FAT2: variants seen among roughly 807,000 people sequenced by gnomAD.
FAT2 encodes protocadherin Fat 2.
A neutral mutation model predicts 295.3 loss-of-function variants in FAT2; 150 were observed. That is an observed-to-expected ratio of 0.51 (90% CI 0.44 to 0.58). The LOEUF (loss-of-function observed/expected upper bound fraction) is 0.58. Among genes scored for constraint, FAT2 ranks in the 20% least tolerant of loss-of-function variants. FAT2 has a pLI of 0.00. For missense variants in FAT2, 4,868 were observed against 5,442.7 expected, an observed-to-expected ratio of 0.89 and a Z score of 3.32; for synonymous variants, 2,026 against 2,150.3, an observed-to-expected ratio of 0.94 and a Z score of 1.60.
At chr5:151,524,961 A>G (rs1383558656) in intron 18 of FAT2, among the ~76,000 whole-genome samples, 1 of 152,112 alleles carries the variant, frequency 6.6e-6, no homozygotes, top group Non-Finnish European at 1.5e-5. Flanking sequence ...TAAAGATGTT[A>G]TTTCTTTCTT....
At position 151,545,051 on chromosome 5, in the gene FAT2, C is replaced by T. The variant is rs367998314; in HGVS notation, c.6076G>A (p.Val2026Met). ...TCCTGCTGCTCCCGGTCAAACGCCA[C>T]ACCTCTTGTCTGCAACACACCTGCT... Reference protein sequence around the residue: ...QSAGVLQTRGVAFDREQQDTH... With the variant: ...QSAGVLQTRGMAFDREQQDTH... The change falls in exon 10 of 24, where the codon GTG becomes ATG. Residue 2026 changes from valine (V) to methionine (M), a missense_variant. Physicochemically the swap from Val to Met is conservative, Grantham distance 21. Coordinates refer to ENST00000261800, the MANE Select transcript of FAT2 (RefSeq NM_001447.3). 3 of 1,614,066 alleles carry T rather than the reference C, an allele frequency of 1.9e-6. No homozygotes were observed. Among genetic ancestry groups the T allele is most frequent in the African/African-American group, 1.3e-5 (1 of 74,934 alleles).
rs2127648181 is a variant in FAT2, at chr5:151,567,562, AG to A, written c.1369del (p.Leu457SerfsTer24). 1 of 1,614,088 alleles carries A rather than the reference AG, an allele frequency of 6.2e-7. No individual in the cohort carries two copies. The highest frequency in any genetic ancestry group is 8.5e-7 in the Non-Finnish European group (1 of 1,179,998). ...DIVDCNNHAPLFNRSSYDGTL... is the reference protein window; with the variant it reads ...DIVDCNNHAPXFNRSSYDGTL... ...ACCATCATAGGAAGACCTGTTGAAG[AG>A]GGGGGCATGGTTGTTGCAGTCCACA... is the stretch of plus-strand genomic sequence containing the variant. On this transcript the variant is annotated frameshift_variant, in exon 2 of 24. Transcript: ENST00000261800. LOFTEE classifies it high-confidence loss of function.
rs771264810 is a variant in FAT2, at chr5:151,545,566, C to A, written c.5561G>T (p.Arg1854Ile). 6.2e-7 allele frequency: 1 copy of A among 1,614,036 alleles called. No homozygotes were observed. The highest frequency in any genetic ancestry group is 1.7e-5 in the Admixed American group (1 of 60,016). Residue 1854 changes from arginine (R) to isoleucine (I), a missense_variant, in exon 10 of 24, where the codon AGA becomes ATA. By Grantham distance (97) the Arg-to-Ile change is moderately conservative. Around this residue, in one of 5 missense-constraint regions of FAT2, gnomAD observed 3,297 missense variants for 3,669.4 expected, o/e 0.90. Coordinates refer to ENST00000261800, the MANE Select transcript of FAT2 (RefSeq NM_001447.3). Reference sequence around the variant, plus strand: ...GACATGAATGATGACTTGGGCAGGTCTGGGTGCAAATAATACAGGGCTTCC... The same window carrying A: ...GACATGAATGATGACTTGGGCAGGTATGGGTGCAAATAATACAGGGCTTCC... ...DQGSPVLFAPRPAQVIIHVRD... is the reference protein window; with the variant it reads ...DQGSPVLFAPIPAQVIIHVRD...
At chr5:151,548,788 A>G (rs554512824) in intron 9 of FAT2, among the ~76,000 whole-genome samples, 2 of 152,204 alleles carry the variant, frequency 1.3e-5, no homozygotes, top group African/African-American at 4.8e-5. Flanking sequence ...GCCAACATAC[A>G]TTTTCTCTTT....
At chr5:151,557,297 A>G (rs1757785217) in intron 3 of FAT2, among the ~76,000 whole-genome samples, 1 of 152,160 alleles carries the variant, frequency 6.6e-6, no homozygotes, top group Admixed American at 6.5e-5. Flanking sequence ...CTAATTAGGA[A>G]TTAGAACCAT....
chr5:151,542,972 G>A lies in FAT2; in HGVS notation c.8155C>T (p.Gln2719Ter). Residue 2719 changes from glutamine (Q) to a stop codon, truncating the protein, a stop_gained, in exon 10 of 24, where the codon CAA becomes TAA. Transcript: ENST00000261800. LOFTEE classifies it high-confidence loss of function. ...EIGIVKAVAA[Q>*]DPVIYSLVRG... ...ACTAGACTGTAGATGACTGGATCTT[G>A]AGCTGCCACTGCTTTAACAATCCCA... The A allele has an allele frequency of 6.2e-7, 1 of 1,614,178 alleles. No individual in the cohort carries two copies. The highest frequency in any genetic ancestry group is 8.5e-7 in the Non-Finnish European group (1 of 1,180,030).
At chr5:151,575,455 T>C (rs1399057262) in intron 1 of FAT2, among the ~76,000 whole-genome samples, 1 of 152,214 alleles carries the variant, frequency 6.6e-6, no homozygotes, top group Non-Finnish European at 1.5e-5. Context: ...TGGGTAGTTA[T>C]TTAACCTTGC....
At position 151,549,287 on chromosome 5, in the gene FAT2, C is replaced by G. The variant is rs749954706; in HGVS notation, c.4789+8G>C. The G allele has an allele frequency of 4.3e-6, 7 of 1,611,960 alleles. No individual in the cohort carries two copies. The highest frequency in any genetic ancestry group is 5.9e-6 in the Non-Finnish European group (7 of 1,179,626). On this transcript the variant is annotated splice_region_variant and intron_variant, in intron 9 of 23. Coordinates refer to ENST00000261800, the MANE Select transcript of FAT2 (RefSeq NM_001447.3). Reference sequence around the variant, plus strand: ...CCCATCCTCTGAGCTCATGGCCAGGCCTCTCACCTTTCAGGAGGGAGTAGT... The same window carrying G: ...CCCATCCTCTGAGCTCATGGCCAGGGCTCTCACCTTTCAGGAGGGAGTAGT...
chr5:151,566,273 G>T lies in FAT2; in HGVS notation c.2659C>A (p.Pro887Thr). The T allele has an allele frequency of 6.2e-7, 1 of 1,614,130 alleles. No individual in the cohort carries two copies. Among genetic ancestry groups the T allele is most frequent in the Non-Finnish European group, 8.5e-7 (1 of 1,180,024 alleles). ...VTGHLDRESE[P>T]RYILKVEARD... Reference sequence around the variant, plus strand: ...GCCTCCACCTTGAGTATGTACCGAGGCTCTGATTCGCGGTCCAGGTGTCCT... The same window carrying T: ...GCCTCCACCTTGAGTATGTACCGAGTCTCTGATTCGCGGTCCAGGTGTCCT... The change falls in exon 2 of 24, where the codon CCT becomes ACT. Residue 887 changes from proline to threonine, a missense_variant. Physicochemically the swap from Pro to Thr is conservative, Grantham distance 38. Transcript: ENST00000261800.
rs1378232584 is a variant in FAT2, at chr5:151,542,637, G to A, written c.8490C>T (p.Gly2830=). 1.9e-6 allele frequency: 3 copies of A among 1,614,180 alleles called. No homozygotes were observed. The Admixed American group carries it at 5.0e-5, about 27-fold the overall frequency. The change falls in exon 10 of 24, where the codon GGC becomes GGT. Residue 2830 remains glycine, a synonymous_variant. Transcript: ENST00000261800. The part of the protein sequence containing the change: ...TAIDKDTGRD[G]QVSYRLSADP... ...CTGCAGACAGCCTGTAGCTCACCTG[G>A]CCATCTCTCCCAGTGTCCTTGTCAA...
chr5:151,525,473 G>A (rs1753887560), intron 18 of FAT2, among the ~76,000 whole-genome samples: 1 of 152,150 alleles, frequency 6.6e-6, no homozygotes, highest in Non-Finnish European at 1.5e-5. Flanking sequence ...TGGAGTCTGG[G>A]GTCAGAGTGC....
In FAT2 at chr5:151,510,132, C is replaced by T. The variant is rs766410745; in HGVS notation, c.11948G>A (p.Cys3983Tyr). The T allele has an allele frequency of 6.2e-7, 1 of 1,614,170 alleles. No individual in the cohort carries two copies. Among genetic ancestry groups the T allele is most frequent in the South Asian group, 1.1e-5 (1 of 91,082 alleles). ...AGTACAGTTCTCCCTTCCTTGTTCA[C>T]AGTGCTTCCCAGAGAACTGTGGGGG... ...KCPPQFSGKH[C>Y]EQGRENCTFA... The change falls in exon 22 of 24, where the codon TGT becomes TAT. Residue 3983 changes from cysteine to tyrosine, a missense_variant. By Grantham distance (194) the Cys-to-Tyr change is radical. Coordinates refer to ENST00000261800, the MANE Select transcript of FAT2 (RefSeq NM_001447.3).
rs756326546 is a variant in FAT2 at position 151,563,599 on chromosome 5, T to C, written c.3300A>G (p.Ala1100=). ...CTAATACCGTCAACCAGTAGTAAGATGCAAATTCTCGGTCCAGGGGTGCCA... is the reference window on the plus strand; with the variant it reads ...CTAATACCGTCAACCAGTAGTAAGACGCAAATTCTCGGTCCAGGGGTGCCA... ...QTLAPLDREF[A]SYYWLTVLAV... is the part of the protein sequence containing the mutation. Residue 1100 remains alanine (A), a synonymous_variant, in exon 3 of 24, where the codon GCA becomes GCG. Coordinates refer to ENST00000261800, the MANE Select transcript of FAT2 (RefSeq NM_001447.3). The C allele has an allele frequency of 2.5e-6, 4 of 1,614,110 alleles. No homozygotes were observed. In the Admixed American group the frequency reaches 5.0e-5, roughly 20 times the overall value.
At position 151,543,947 on chromosome 5, in the gene FAT2, A is replaced by G. The variant is rs754996255; in HGVS notation, c.7180T>C (p.Cys2394Arg). The change falls in exon 10 of 24, where the codon TGT becomes CGT. Residue 2394 changes from cysteine to arginine, a missense_variant. Cys to Arg is a radical substitution (Grantham distance 180). This residue lies in a region of FAT2 where 3,297 missense variants were observed against 3,669.4 expected (regional missense o/e 0.90). Coordinates refer to ENST00000261800, the MANE Select transcript of FAT2 (RefSeq NM_001447.3). ...TGGACTTTAAGAACCAGGTGTCCAC[A>G]GGTTGCCAGTTCACTGACATTGGCT... The part of the protein sequence containing the change: ...YEANVSELAT[C>R]GHLVLKVQAI... 1.9e-6 allele frequency: 3 copies of G among 1,614,130 alleles called. No homozygotes were observed. In the Admixed American group the frequency reaches 5.0e-5, roughly 27 times the overall value.
intron 1 of FAT2, among the ~76,000 whole-genome samples, chr5:151,580,228 A>T (rs976468863): frequency 1.1e-4 from 17 of 152,306 alleles, no homozygotes; most frequent in African/African-American, 4.1e-4. Context: ...CACAAGGCCA[A>T]GGTCTTCTGC....
Position 151,544,341 on chromosome 5 carries a change from C to A in FAT2, c.6786G>T (p.Val2262=). The stretch of plus-strand genomic sequence containing the variant: ...TGGGAGGGTTATCATTGACATCCTC[C>A]ACTAGGACTTCCACTGTGGCTTCAG... ...SFSEATVEVL[V]EDVNDNPPTF... The change falls in exon 10 of 24, where the codon GTG becomes GTT. Residue 2262 remains valine (V), a synonymous_variant. Coordinates refer to ENST00000261800, the MANE Select transcript of FAT2 (RefSeq NM_001447.3). 4.3e-6 allele frequency: 7 copies of A among 1,614,146 alleles called. No individual in the cohort carries two copies. Among genetic ancestry groups the A allele is most frequent in the Non-Finnish European group, 5.9e-6 (7 of 1,180,022 alleles).
chr5:151,536,890 C>T (rs1418571179), intron 12 of FAT2, among the ~76,000 whole-genome samples: 3 of 152,190 alleles, frequency 2.0e-5, no homozygotes, highest in Non-Finnish European at 2.9e-5. Context: ...TGTCCTCTCT[C>T]CTCCCTCTCT....
At position 151,545,567 on chromosome 5, in the gene FAT2, T is replaced by C. The variant is rs1398327715; in HGVS notation, c.5560A>G (p.Arg1854Gly). 8.7e-6 allele frequency: 14 copies of C among 1,614,132 alleles called. No homozygotes were observed. Among genetic ancestry groups the C allele is most frequent in the East Asian group, 6.7e-5 (3 of 44,880 alleles). ...ACATGAATGATGACTTGGGCAGGTC[T>C]GGGTGCAAATAATACAGGGCTTCCT... Reference protein sequence around the residue: ...DQGSPVLFAPRPAQVIIHVRD... With the variant: ...DQGSPVLFAPGPAQVIIHVRD... The change falls in exon 10 of 24, where the codon AGA (arginine) becomes GGA (glycine). Residue 1854 changes from arginine (R) to glycine (G), a missense_variant. Coordinates refer to ENST00000261800, the MANE Select transcript of FAT2 (RefSeq NM_001447.3).
upstream of FAT2, among the ~76,000 whole-genome samples, chr5:151,592,748 T>G (rs1271855697): frequency 4.7e-5 from 7 of 150,064 alleles, no homozygotes; most frequent in East Asian, 1.4e-3. Flanking sequence ...ACAGATCCGT[T>G]TCCCCTGCCG....
Sources: gnomAD v4.1 joint callset for allele counts (sites outside exome capture counted in the v4.1 genomes callset) on GRCh38, gnomAD v4.1.1 for gene constraint, gnomAD v4.1.1 regional missense constraint, MANE v1.5 for transcripts, NCBI Gene and HGNC (gene_info 2026-07-23, HGNC 2026-07-21) for gene names.